ITGA9: variants seen among roughly 807,000 people sequenced by gnomAD.
ITGA9 encodes integrin alpha-9.
In ITGA9, 56 loss-of-function variants were observed where a neutral mutation model predicts 127.8. The ratio of observed to expected loss-of-function variants is 0.44; its 90% CI spans 0.35 to 0.55. The LOEUF is 0.55. ITGA9 is among the 20% of genes least tolerant of loss of function. ITGA9 has a pLI of 0.00. For missense variants in ITGA9, 1,196 were observed against 1,347.1 expected, an observed-to-expected ratio of 0.89 and a Z score of 1.76; for synonymous variants, 508 against 514.5, an observed-to-expected ratio of 0.99 and a Z score of 0.17.
intron 4 of ITGA9, among the ~76,000 whole-genome samples, chr3:37,491,073 C>G (rs1237196779): frequency 1.3e-5 from 2 of 150,342 alleles, no homozygotes; most frequent in East Asian, 4.0e-4. Context: ...GCCTCCCAGA[C>G]TCAAGCCATC....
At chr3:37,625,233 G>C (rs1437654187) in intron 15 of ITGA9, among the ~76,000 whole-genome samples, 4 of 152,114 alleles carry the variant, frequency 2.6e-5, no homozygotes, top group Non-Finnish European at 5.9e-5. Context: ...GGTCCCCAAA[G>C]CCTCCCCTGT....
At chr3:37,617,818 T>G (rs1190666910) in intron 15 of ITGA9, among the ~76,000 whole-genome samples, 1 of 152,226 alleles carries the variant, frequency 6.6e-6, no homozygotes, top group African/African-American at 2.4e-5. Flanking sequence ...CTCCATCAGG[T>G]CTTTTAAGGA....
In ITGA9 at chr3:37,562,996, C is replaced by T. The variant is rs184974428; in HGVS notation, c.1689+20411C>T. On this transcript the variant is annotated intron_variant, in intron 15 of 27. Coordinates refer to ENST00000264741, the MANE Select transcript of ITGA9 (RefSeq NM_002207.3). Reference sequence around the variant, plus strand: ...AGATGCTTGGCATCAGGAACTATTTCATTTGTCTCCATATCCCCAGCACCA... The same window carrying T: ...AGATGCTTGGCATCAGGAACTATTTTATTTGTCTCCATATCCCCAGCACCA... Among the ~76,000 whole-genome samples the T allele has an allele frequency of 3.3e-5, 5 of 151,986 alleles. No homozygotes were observed. The East Asian group carries it at 9.7e-4, about 29-fold the overall frequency.
At chr3:37,554,144 GT>G (rs1225540122) in intron 15 of ITGA9, among the ~76,000 whole-genome samples, 5 of 152,172 alleles carry the variant, frequency 3.3e-5, no homozygotes, top group Middle Eastern at 6.8e-3. Flanking sequence ...GAAAATTAAG[GT>G]GCATTAGAAG....
chr3:37,485,274 G>C (rs1453217601), intron 4 of ITGA9, among the ~76,000 whole-genome samples: 1 of 152,190 alleles, frequency 6.6e-6, no homozygotes, highest in East Asian at 1.9e-4. Context: ...CTATGGAAGA[G>C]AGGGATGGTG....
chr3:37,533,885 A>T (rs1039367514), intron 14 of ITGA9, among the ~76,000 whole-genome samples: 2 of 152,198 alleles, frequency 1.3e-5, no homozygotes, highest in African/African-American at 4.8e-5. Context: ...CAGGGGACTT[A>T]TACCATTTAC....
intron 1 of ITGA9, among the ~76,000 whole-genome samples, chr3:37,463,484 C>G (rs1327447985): frequency 1.3e-5 from 2 of 152,190 alleles, no homozygotes; most frequent in Non-Finnish European, 2.9e-5. Flanking sequence ...GTATTTCATC[C>G]TCTTGCAGGC....
intron 26 of ITGA9, chr3:37,790,248 T>C: frequency 1.8e-6 from 1 of 549,604 alleles, no homozygotes; most frequent in Non-Finnish European, 3.6e-6. Flanking sequence ...CATACACATC[T>C]TTTAGAAATG....
intron 17 of ITGA9, among the ~76,000 whole-genome samples, chr3:37,655,775 A>G (rs576049030): frequency 7.2e-5 from 11 of 152,300 alleles, no homozygotes; most frequent in Non-Finnish European, 1.6e-4. Context: ...GCCCATGCCT[A>G]TGTCCTGAAT....
At chr3:37,741,629 T>G (rs1365954469) in intron 20 of ITGA9, 101 bp from the exon 21 acceptor site, 2 of 914,926 alleles carry the variant, frequency 2.2e-6, no homozygotes, top group African/African-American at 3.3e-5. Context: ...CCATCTGCCC[T>G]TGGAGAATGT....
At position 37,744,017 on chromosome 3, in the gene ITGA9, A is replaced by T; in HGVS notation, c.2416A>T (p.Ile806Phe). Residue 806 changes from isoleucine to phenylalanine, a missense_variant, in exon 22 of 28, where the codon ATC (isoleucine) becomes TTC (phenylalanine). Ile to Phe is a conservative substitution (Grantham distance 21, BLOSUM62 0). Transcript: ENST00000264741. ...TGACCTGGAGTGTCACTTTCAGCCC[A>T]TCAATATCACCCTTCAGGTACCCAC... The part of the protein sequence containing the change: ...LDDLECHFQP[I>F]NITLQVYNTG... The T allele has an allele frequency of 6.2e-7, 1 of 1,613,304 alleles. No homozygotes were observed. Among genetic ancestry groups the T allele is most frequent in the Non-Finnish European group, 8.5e-7 (1 of 1,179,236 alleles).
At chr3:37,650,270 G>C (rs1440841693) in intron 16 of ITGA9, among the ~76,000 whole-genome samples, 1 of 152,118 alleles carries the variant, frequency 6.6e-6, no homozygotes, top group Non-Finnish European at 1.5e-5. Context: ...CCAGGTAAGG[G>C]AGCATTAGAC....
chr3:37,753,022 C>T (rs1696607982), intron 23 of ITGA9, among the ~76,000 whole-genome samples: 1 of 152,186 alleles, frequency 6.6e-6, no homozygotes, highest in East Asian at 1.9e-4. Flanking sequence ...ATTTTCACTG[C>T]TTCCCACCCA....
At chr3:37,652,135 A>T (rs1318331297) in intron 16 of ITGA9, among the ~76,000 whole-genome samples, 1 of 152,068 alleles carries the variant, frequency 6.6e-6, no homozygotes, top group Non-Finnish European at 1.5e-5. Context: ...GGAAAAAAAA[A>T]AAAGGTGAAA....
At chr3:37,656,599 A>G (rs755057027) in intron 17 of ITGA9, among the ~76,000 whole-genome samples, 11 of 152,194 alleles carry the variant, frequency 7.2e-5, no homozygotes, top group African/African-American at 1.9e-4. Flanking sequence ...GGCTGAGACT[A>G]TGGGGTTTTC....
intron 15 of ITGA9, among the ~76,000 whole-genome samples, chr3:37,626,471 G>A (rs567836713): frequency 1.3e-5 from 2 of 152,050 alleles, no homozygotes; most frequent in Non-Finnish European, 2.9e-5. Context: ...ACCACCTTGG[G>A]CAACATAGTG....
intron 23 of ITGA9, among the ~76,000 whole-genome samples, chr3:37,766,486 G>A (rs1254991734): frequency 6.6e-6 from 1 of 152,134 alleles, no homozygotes; most frequent in Non-Finnish European, 1.5e-5. Context: ...GGTGATGTAG[G>A]AATCATGGCA....
At chr3:37,552,712 G>T (rs944808313) in intron 15 of ITGA9, among the ~76,000 whole-genome samples, 1 of 152,080 alleles carries the variant, frequency 6.6e-6, no homozygotes, top group African/African-American at 2.4e-5. Context: ...CACGTTTTTC[G>T]CATAAAACAT....
rs77614156 is a variant in ITGA9, at chr3:37,500,449, C to T, written c.613-2729C>T. Among the ~76,000 whole-genome samples the T allele has an allele frequency of 1.8e-4, 28 of 152,302 alleles. 1 individual carries two copies. The East Asian group carries it at 4.8e-3, about 26-fold the overall frequency. Reference sequence around the variant, plus strand: ...TGAATTATCAAAAAGCAAGCCTTTCCGGCGAGAATCTAGTGGCTTTTCTTC... The same window carrying T: ...TGAATTATCAAAAAGCAAGCCTTTCTGGCGAGAATCTAGTGGCTTTTCTTC... On this transcript the variant is annotated intron_variant, in intron 5 of 27. Coordinates refer to ENST00000264741, the MANE Select transcript of ITGA9 (RefSeq NM_002207.3).
Sources: allele counts gnomAD v4.1 joint callset (sites outside exome capture counted in the v4.1 genomes callset), GRCh38; gene constraint gnomAD v4.1.1; transcripts MANE v1.5; gene names NCBI Gene and HGNC (gene_info 2026-07-23, HGNC 2026-07-21).